TBC1D2: variants seen among roughly 807,000 people sequenced by gnomAD.
TBC1D2 encodes the protein TBC1 domain family member 2A.
TBC1D2 carries 58 observed loss-of-function variants against 91.1 expected under a neutral mutation model. The ratio of observed to expected loss-of-function variants is 0.64; its 90% CI spans 0.52 to 0.79. The LOEUF is 0.79. Ranked by LOEUF, TBC1D2 falls within the 30% of genes least tolerant of loss-of-function variation. The pLI is 0.00. For missense variants in TBC1D2, 1,080 were observed against 1,208.3 expected (o/e 0.89, Z 1.57); for synonymous variants, 482 against 511.5 (o/e 0.94, Z 0.78).
chr9:98,252,295 T>A (rs941667851), intron 1 of TBC1D2, among the ~76,000 whole-genome samples: 1 of 151,948 alleles, frequency 6.6e-6, no homozygotes, highest in African/African-American at 2.4e-5. Context: ...GAGGGGGAGG[T>A]GCACTGAATT....
intron 1 of TBC1D2, among the ~76,000 whole-genome samples, chr9:98,253,345 A>G (rs140624986): frequency 6.9e-4 from 105 of 152,158 alleles, no homozygotes; most frequent in Middle Eastern, 3.4e-3. Context: ...TACTATCCCG[A>G]GACACCTCCA....
intron 3 of TBC1D2, chr9:98,235,285 T>G (rs924015259): frequency 2.6e-6 from 1 of 378,916 alleles, no homozygotes. Flanking sequence ...GAGTCAACGC[T>G]ATTGTTTACA....
At chr9:98,245,041 C>T (rs1829735686) in intron 2 of TBC1D2, among the ~76,000 whole-genome samples, 1 of 151,314 alleles carries the variant, frequency 6.6e-6, no homozygotes, top group Admixed American at 6.6e-5. Flanking sequence ...GAGATCGAGA[C>T]TGTCCTGGCT....
chr9:98,227,610 A>G (rs1044625938), intron 5 of TBC1D2, among the ~76,000 whole-genome samples: 2 of 113,598 alleles, frequency 1.8e-5, no homozygotes, highest in African/African-American at 5.8e-5. Flanking sequence ...TACTAAAAAC[A>G]AAAACCAAAA....
intron 5 of TBC1D2, among the ~76,000 whole-genome samples, chr9:98,221,926 T>G (rs1375513877): frequency 2.0e-5 from 3 of 152,102 alleles, no homozygotes; most frequent in Non-Finnish European, 4.4e-5. Flanking sequence ...GAAGGGGTTT[T>G]GCCATGTTGC....
intron 2 of TBC1D2, among the ~76,000 whole-genome samples, chr9:98,247,948 A>T (rs978851983): frequency 2.0e-5 from 3 of 152,170 alleles, no homozygotes; most frequent in Admixed American, 6.5e-5. Context: ...CTAACTGCTA[A>T]TATCTGTTTT....
At chr9:98,208,228 GA>G (rs1564234341) in intron 9 of TBC1D2, among the ~76,000 whole-genome samples, 1 of 152,118 alleles carries the variant, frequency 6.6e-6, no homozygotes, top group African/African-American at 2.4e-5. Flanking sequence ...TGTGGGTGGG[GA>G]ACCTAGGCTC....
At chr9:98,249,206 G>A (rs142673502) in intron 2 of TBC1D2, among the ~76,000 whole-genome samples, 10 of 152,266 alleles carry the variant, frequency 6.6e-5, no homozygotes, top group Non-Finnish European at 1.3e-4. Flanking sequence ...GCTGCAAGGC[G>A]AGGAAAGGTT....
chr9:98,209,756 TTTCC>T (rs3059560), intron 8 of TBC1D2, among the ~76,000 whole-genome samples: 38,426 of 105,422 alleles, frequency 0.36, 6,855 homozygotes, highest in South Asian at 0.5. Flanking sequence ...CCTTCCTTCC[TTTCC>T]TTCCTTCCTT....
At chr9:98,208,642 A>G in intron 9 of TBC1D2, 26 bp downstream of exon 9, 3 of 1,512,358 alleles carry the variant, frequency 2.0e-6, no homozygotes, top group Non-Finnish European at 2.7e-6. Flanking sequence ...TAAAGATCAC[A>G]CCTTCACTGG....
Position 98,255,576 on chromosome 9 carries a change from T to A in TBC1D2, c.-35A>T, listed in dbSNP as rs917825145. ...CCGGAGACTGCGGAGGGACGAGGGGTCCGCGGGACCACCAGGGACAAATCT... is the reference window on the plus strand; with the variant it reads ...CCGGAGACTGCGGAGGGACGAGGGGACCGCGGGACCACCAGGGACAAATCT... On this transcript the variant is annotated 5_prime_UTR_variant, in exon 1 of 13. Coordinates refer to ENST00000465784, the MANE Select transcript of TBC1D2 (RefSeq NM_001267571.2). 1.4e-6 allele frequency: 2 copies of A among 1,469,700 alleles called. No homozygotes were observed. Among genetic ancestry groups the A allele is most frequent in the African/African-American group, 2.8e-5 (2 of 70,502 alleles). The allele number at this position is 1,469,700 out of a possible 1,614,324, so 91.0% of individuals were successfully genotyped here. A position where few individuals can be genotyped will look rare whatever the true frequency, so the allele number is the denominator to read the frequency against.
intron 2 of TBC1D2, among the ~76,000 whole-genome samples, chr9:98,250,982 C>T (rs1008640482): frequency 6.6e-6 from 1 of 152,054 alleles, no homozygotes. Flanking sequence ...TATGGGAACA[C>T]CAGCGATAAA....
chr9:98,203,601 G>A (rs1828570270), intron 9 of TBC1D2, among the ~76,000 whole-genome samples, 193 bp from the exon 10 acceptor site: 1 of 152,168 alleles, frequency 6.6e-6, no homozygotes, highest in Admixed American at 6.5e-5. Context: ...AGGATGACCG[G>A]CGATTTCCAG....
At chr9:98,250,956 GA>G (rs1829860787) in intron 2 of TBC1D2, among the ~76,000 whole-genome samples, 2 of 152,086 alleles carry the variant, frequency 1.3e-5, no homozygotes, top group South Asian at 4.2e-4. Flanking sequence ...TCATCTGGGG[GA>G]AAAGGATCCT....
At position 98,200,485 on chromosome 9, in the gene TBC1D2, G is replaced by A. The variant is rs77412618; in HGVS notation, c.2458-111C>T. On this transcript the variant is annotated intron_variant, in intron 11 of 12. Transcript: ENST00000465784. ...GTATGGAAGACCCTGGACTGGCTGC[G>A]GAAGTTGAGGCCTGGAGGCACAATG... 3,507 of 1,038,034 alleles carry A rather than the reference G, an allele frequency of 3.4e-3. 49 individuals carry two copies. The African/African-American group carries it at 0.038, about 11-fold the overall frequency. 64.3% of individuals were successfully genotyped at this position (1,038,034 alleles called of 1,614,324 possible).
intron 6 of TBC1D2, among the ~76,000 whole-genome samples, chr9:98,214,094 A>G (rs887333646): frequency 3.9e-5 from 6 of 152,130 alleles, no homozygotes; most frequent in Admixed American, 3.9e-4. Context: ...TCACAATTCC[A>G]GGGTATTTAC....
chr9:98,250,346 T>TAAGA (rs1683186869), intron 2 of TBC1D2, among the ~76,000 whole-genome samples: 1 of 151,740 alleles, frequency 6.6e-6, no homozygotes, highest in Non-Finnish European at 1.5e-5. Flanking sequence ...GGGTCAGGTT[T>TAAGA]AAGAAAGCTC....
intron 9 of TBC1D2, 82 bp downstream of exon 9, chr9:98,208,586 G>T: frequency 7.1e-7 from 1 of 1,404,196 alleles, no homozygotes; most frequent in Non-Finnish European, 9.6e-7. Flanking sequence ...GCCACAGATG[G>T]CTGCCTGTCC....
intron 6 of TBC1D2, among the ~76,000 whole-genome samples, chr9:98,214,847 G>A (rs1486948297): frequency 6.6e-6 from 1 of 152,126 alleles, no homozygotes; most frequent in African/African-American, 2.4e-5. Flanking sequence ...GGGAGGGAAC[G>A]AATGCCCCCT....
Sources: allele counts gnomAD v4.1 joint callset (sites outside exome capture counted in the v4.1 genomes callset), GRCh38; gene constraint gnomAD v4.1.1; transcripts MANE v1.5; gene names NCBI Gene and HGNC (gene_info 2026-07-23, HGNC 2026-07-21).